IPO11: variants seen among roughly 807,000 people sequenced by gnomAD.
The protein encoded by IPO11 is importin 11.
IPO11 carries 66 observed loss-of-function variants against 143.2 expected under a neutral mutation model. The observed-to-expected ratio is 0.46, with a 90% CI of 0.38 to 0.57. The LOEUF (loss-of-function observed/expected upper bound fraction) is 0.57. Among genes scored for constraint, IPO11 ranks in the 20% least tolerant of loss-of-function variants. The probability of loss-of-function intolerance (pLI) is 0.00; values close to 1 mark genes in which losing one functional copy is unlikely to be tolerated. For missense variants in IPO11, 1,026 were observed against 1,141.0 expected (o/e 0.90, Z 1.45); for synonymous variants, 385 against 377.8 (o/e 1.02, Z -0.22).
chr5:62,547,626 C>T (rs1448659505), intron 24 of IPO11, among the ~76,000 whole-genome samples: 2 of 152,018 alleles, frequency 1.3e-5, no homozygotes, highest in Non-Finnish European at 1.5e-5. Context: ...TCTGTTTTAT[C>T]CCTGAAATAT....
At chr5:62,527,640 AGT>A (rs752963363) in intron 21 of IPO11, among the ~76,000 whole-genome samples, 64 of 152,222 alleles carry the variant, frequency 4.2e-4, no homozygotes, top group Admixed American at 5.9e-4. Flanking sequence ...TGTTATTAAA[AGT>A]GTAGATATTT....
At chr5:62,521,415 A>G (rs1409041214) in intron 20 of IPO11, among the ~76,000 whole-genome samples, 1 of 152,060 alleles carries the variant, frequency 6.6e-6, no homozygotes, top group Non-Finnish European at 1.5e-5. Flanking sequence ...AAGACTTCCA[A>G]AATTGCTCTG....
intron 1 of IPO11, 116 bp from the exon 2 acceptor site, chr5:62,437,158 G>A (rs1329593688): frequency 1.5e-6 from 1 of 682,434 alleles, no homozygotes; most frequent in East Asian, 3.0e-5. Context: ...AGAACATGAA[G>A]GATTAGATGA....
intron 1 of IPO11, among the ~76,000 whole-genome samples, chr5:62,430,823 G>A (rs917358488): frequency 2.7e-5 from 4 of 150,468 alleles, no homozygotes; most frequent in African/African-American, 7.4e-5. Flanking sequence ...GATTACAGGC[G>A]TGCACCATCA....
chr5:62,527,404 T>C (rs1202544122), intron 21 of IPO11, among the ~76,000 whole-genome samples: 1 of 152,204 alleles, frequency 6.6e-6, no homozygotes, highest in Admixed American at 6.5e-5. Flanking sequence ...GGTATGGCTG[T>C]GCGCCAATTA....
intron 29 of IPO11, among the ~76,000 whole-genome samples, chr5:62,605,165 T>C (rs1464517426): frequency 1.3e-5 from 2 of 152,222 alleles, no homozygotes; most frequent in Non-Finnish European, 2.9e-5. Flanking sequence ...CAAGGTCACA[T>C]AAATGAAAAT....
chr5:62,436,499 T>C (rs1028405665), intron 1 of IPO11, among the ~76,000 whole-genome samples: 1 of 152,344 alleles, frequency 6.6e-6, no homozygotes, highest in South Asian at 2.1e-4. Context: ...ATATTGTGAA[T>C]AACTATACAT....
intron 8 of IPO11, among the ~76,000 whole-genome samples, chr5:62,475,144 C>T (rs554298662): frequency 2.6e-5 from 4 of 152,056 alleles, no homozygotes; most frequent in Admixed American, 6.5e-5. Flanking sequence ...TGGGCTAAAG[C>T]GATCCGCCCA....
At chr5:62,531,177 GTTTGT>G (rs559968050) in intron 22 of IPO11, among the ~76,000 whole-genome samples, 3 of 152,186 alleles carry the variant, frequency 2.0e-5, no homozygotes, top group South Asian at 2.1e-4. Flanking sequence ...TGTTGGTGTT[GTTTGT>G]TTTGTTTTGT....
At position 62,485,419 on chromosome 5, in the gene IPO11, C is replaced by T. The variant is rs1208044824; in HGVS notation, c.1175C>T (p.Thr392Ile). 1.2e-6 allele frequency: 2 copies of T among 1,606,628 alleles called. No individual in the cohort carries two copies. The highest frequency in any genetic ancestry group is 1.7e-6 in the Non-Finnish European group (2 of 1,173,914). ...TMWEEDPEGF[T>I]VEETGGDSWK... ...CATTATTACATATTTTTAATTGCAG[C>T]AGTGGAAGAAACAGGAGGAGATTCT... The change falls in exon 12 of 30, where the codon ACA becomes ATA. Residue 392 changes from threonine to isoleucine, a missense_variant and splice_region_variant. Physicochemically the swap from Thr to Ile is moderately conservative, Grantham distance 89 (BLOSUM62 -1). Coordinates refer to ENST00000325324, the MANE Select transcript of IPO11 (RefSeq NM_016338.5).
At chr5:62,447,806 C>T (rs547905670) in intron 3 of IPO11, among the ~76,000 whole-genome samples, 169 of 152,080 alleles carry the variant, frequency 1.1e-3, no homozygotes, top group African/African-American at 3.6e-3. Flanking sequence ...AGACTGGTCT[C>T]GAACTCCTGA....
At chr5:62,532,214 A>G (rs1742572040) in intron 22 of IPO11, among the ~76,000 whole-genome samples, 1 of 152,144 alleles carries the variant, frequency 6.6e-6, no homozygotes, top group Admixed American at 6.5e-5. Context: ...GAGTGATGGG[A>G]GAGGGATTGG....
At chr5:62,609,130 G>A (rs1208482394) in intron 29 of IPO11, among the ~76,000 whole-genome samples, 1 of 152,162 alleles carries the variant, frequency 6.6e-6, no homozygotes, top group Non-Finnish European at 1.5e-5. Flanking sequence ...CCAACTCCAC[G>A]TCCTGCCAGA....
chr5:62,591,442 A>G, intron 27 of IPO11, 135 bp from the exon 28 acceptor site: 2 of 592,652 alleles, frequency 3.4e-6, no homozygotes, highest in South Asian at 4.4e-5. Context: ...GTTATAAGAA[A>G]TAGATTTTGA....
rs1432845797 is a variant in IPO11 at position 62,485,366 on chromosome 5, G to A, written c.1175-53G>A. 3.5e-6 allele frequency: 5 copies of A among 1,415,184 alleles called. No individual in the cohort carries two copies. The East Asian group carries it at 6.9e-5, about 19-fold the overall frequency. 87.7% of individuals were successfully genotyped at this position (1,415,184 alleles called of 1,614,324 possible). The stretch of plus-strand genomic sequence containing the variant: ...TTATACTGATGTTATTAAAATCTTT[G>A]TTTTCTAAACCAAGATGTTGAAAAT... On this transcript the variant is annotated intron_variant, in intron 11 of 29. Coordinates refer to ENST00000325324, the MANE Select transcript of IPO11 (RefSeq NM_016338.5).
At chr5:62,560,861 G>A in intron 26 of IPO11, 1 of 219,216 alleles carries the variant, frequency 4.6e-6, no homozygotes, top group Non-Finnish European at 9.0e-6. Flanking sequence ...GATTGGCAGT[G>A]ATTTATTAAA....
At chr5:62,580,461 T>A in intron 27 of IPO11, 1 of 1,551,446 alleles carries the variant, frequency 6.4e-7, no homozygotes. Flanking sequence ...CAGCCTTGCA[T>A]CCAAGGGTCC....
intron 27 of IPO11, chr5:62,579,870 A>G (rs1744477571): frequency 6.5e-7 from 1 of 1,550,056 alleles, no homozygotes; most frequent in Middle Eastern, 1.7e-4. Flanking sequence ...ATAATCAGGT[A>G]TCTTTTGTTC....
chr5:62,564,045 T>G (rs1342575833), intron 27 of IPO11, among the ~76,000 whole-genome samples: 3 of 152,192 alleles, frequency 2.0e-5, no homozygotes, highest in Admixed American at 1.3e-4. Flanking sequence ...ATTAGCAAAG[T>G]CATGTCATTT....
Sources: allele counts gnomAD v4.1 joint callset (sites outside exome capture counted in the v4.1 genomes callset), GRCh38; gene constraint gnomAD v4.1.1; transcripts MANE v1.5; gene names NCBI Gene and HGNC (gene_info 2026-07-23, HGNC 2026-07-21).